Variants in FIRRM observed in about 807,000 individuals in gnomAD.
The protein encoded by FIRRM is FIGNL1 interacting regulator of recombination and mitosis.
chr1:169,845,927 G>A, the FIRRM span, among the ~76,000 whole-genome samples: 1 of 152,184 alleles, frequency 6.6e-6, no homozygotes, highest in African/African-American at 2.4e-5. Context: ...TTCCCAGAAG[G>A]TTTCCAATTT....
chr1:169,832,624 A>G, the FIRRM span: 1 of 737,602 alleles, frequency 1.4e-6, no homozygotes, highest in South Asian at 1.8e-5. Context: ...TTTTTTTGAG[A>G]CAGAGTCTCG....
the FIRRM span, chr1:169,795,087 C>A: frequency 6.5e-7 from 1 of 1,532,306 alleles, no homozygotes. Flanking sequence ...TTGAAGCTCT[C>A]CTGTTTGACG....
the FIRRM span, chr1:169,843,600 G>C: frequency 1.2e-6 from 1 of 849,718 alleles, no homozygotes; most frequent in Non-Finnish European, 2.0e-6. Flanking sequence ...TATAATAAAT[G>C]CTCAATAAAA....
At chr1:169,806,288 T>TA in the FIRRM span, among the ~76,000 whole-genome samples, 3 of 152,072 alleles carry the variant, frequency 2.0e-5, no homozygotes, top group South Asian at 2.1e-4. Flanking sequence ...CCTCTAAAAT[T>TA]AAAAAAAATG....
chr1:169,799,503 G>A, the FIRRM span, among the ~76,000 whole-genome samples: 86 of 152,248 alleles, frequency 5.6e-4, no homozygotes, highest in African/African-American at 2.0e-3. Context: ...TCACTTGGTT[G>A]TGGAATATTC....
chr1:169,801,429 G>A, the FIRRM span, among the ~76,000 whole-genome samples: 3 of 125,214 alleles, frequency 2.4e-5, no homozygotes, highest in Admixed American at 2.0e-4. Context: ...TGGGCAATAA[G>A]AGCGATGCTC....
At chr1:169,832,358 G>C in the FIRRM span, 1 of 1,204,948 alleles carries the variant, frequency 8.3e-7, no homozygotes. Context: ...TTCTCTTCTT[G>C]TAAAAATTCT....
At chr1:169,830,405 T>G in the FIRRM span, 1 of 1,355,136 alleles carries the variant, frequency 7.4e-7, no homozygotes, top group Non-Finnish European at 1.0e-6. Flanking sequence ...AGTAGATAAT[T>G]TTATAATTGT....
chr1:169,842,340 C>G, the FIRRM span: 1 of 1,467,596 alleles, frequency 6.8e-7, no homozygotes, highest in Non-Finnish European at 9.2e-7. Flanking sequence ...ACTTTTATAA[C>G]CTCTAGTTAA....
chr1:169,799,007 G>A, the FIRRM span: 4 of 743,510 alleles, frequency 5.4e-6, no homozygotes, highest in South Asian at 1.8e-5. Flanking sequence ...GTTAAGGTCC[G>A]AGTCCCCACA....
the FIRRM span, among the ~76,000 whole-genome samples, chr1:169,806,775 A>G: frequency 6.6e-6 from 1 of 152,220 alleles, no homozygotes; most frequent in African/African-American, 2.4e-5. Flanking sequence ...CATTCTTGAA[A>G]TCATTTACTC....
At chr1:169,793,885 T>C in the FIRRM span, 3 of 455,206 alleles carry the variant, frequency 6.6e-6, no homozygotes, top group African/African-American at 2.1e-5. Context: ...TTTGGTCCTC[T>C]TTCCAAGCAG....
At chr1:169,784,010 T>C in the FIRRM span, 3 of 152,588 alleles carry the variant, frequency 2.0e-5, no homozygotes, top group Admixed American at 1.3e-4. Context: ...GGTCTTGAAC[T>C]CCTTGGCTAG....
the FIRRM span, chr1:169,795,012 C>T: frequency 6.0e-6 from 6 of 1,001,146 alleles, no homozygotes; most frequent in South Asian, 4.3e-5. Flanking sequence ...GTTTTGGAGC[C>T]GGCGGAGAGC....
At chr1:169,840,075 T>C in the FIRRM span, among the ~76,000 whole-genome samples, 3 of 152,236 alleles carry the variant, frequency 2.0e-5, no homozygotes, top group African/African-American at 4.8e-5. Flanking sequence ...TTGTGTTTCA[T>C]TGATCCATTT....
chr1:169,851,772 T>G, the FIRRM span: 1 of 1,600,148 alleles, frequency 6.2e-7, no homozygotes, highest in Non-Finnish European at 8.5e-7. Context: ...TCTAGTAGAG[T>G]GCTAACATGT....
chr1:169,825,854 A>G, the FIRRM span, among the ~76,000 whole-genome samples: 1 of 152,208 alleles, frequency 6.6e-6, no homozygotes, highest in Non-Finnish European at 1.5e-5. Context: ...TGTATTGTCA[A>G]GTTTACAATT....
At chr1:169,794,485 G>A in the FIRRM span, 1 of 153,804 alleles carries the variant, frequency 6.5e-6, no homozygotes, top group Non-Finnish European at 1.5e-5. Flanking sequence ...ACGCAAACTA[G>A]GGCACTGCAG....
the FIRRM span, among the ~76,000 whole-genome samples, chr1:169,808,435 CATT>C: frequency 1.3e-5 from 2 of 152,076 alleles, no homozygotes; most frequent in East Asian, 3.9e-4. Flanking sequence ...ATTTATGAAA[CATT>C]ATATTCTAAA....
Sources: gnomAD v4.1 joint callset for allele counts (sites outside exome capture counted in the v4.1 genomes callset) on GRCh38, gnomAD v4.1.1 for gene constraint, MANE v1.5 for transcripts, NCBI Gene and HGNC (gene_info 2026-07-23, HGNC 2026-07-21) for gene names.